Variants in LCA5 observed in about 807,000 individuals in gnomAD.
LCA5 encodes the protein lebercilin.
LCA5 carries 37 observed loss-of-function variants against 53.0 expected under a neutral mutation model. The ratio of observed to expected loss-of-function variants is 0.70; its 90% CI spans 0.54 to 0.92. The LOEUF is 0.92. Among genes scored for constraint, LCA5 ranks in the 40% least tolerant of loss-of-function variants. The pLI is 0.00. For synonymous variants in LCA5, 303 were observed against 282.9 expected (o/e 1.07, Z -0.71); for missense variants, 806 against 790.5 (o/e 1.02, Z -0.23).
At chr6:79,520,596 G>A (rs568351340) in intron 1 of LCA5, among the ~76,000 whole-genome samples, 6 of 152,172 alleles carry the variant, frequency 3.9e-5, no homozygotes, top group South Asian at 2.1e-4. Context: ...TAAAAGTATC[G>A]TTCTTCTAGT....
chr6:79,494,192 G>A (rs908108562), intron 3 of LCA5, among the ~76,000 whole-genome samples: 11 of 151,734 alleles, frequency 7.2e-5, no homozygotes, highest in Admixed American at 2.6e-4. Flanking sequence ...GGAAGTTTGC[G>A]CCAGTGAAAT....
At chr6:79,512,468 A>C (rs1766254359) in intron 3 of LCA5, among the ~76,000 whole-genome samples, 1 of 152,174 alleles carries the variant, frequency 6.6e-6, no homozygotes, top group Non-Finnish European at 1.5e-5. Context: ...ACATCTGATT[A>C]ATATACTGCA....
Position 79,487,254 on chromosome 6 carries a change from C to A in LCA5, c.1844G>T (p.Ser615Ile). Reference protein sequence around the residue: ...MEQLFGASGSSTISSKSSDPN... With the variant: ...MEQLFGASGSITISSKSSDPN... ...GTCACTGCTTTTGGAGGAAATGGTGCTGCTACCACTGGCACCAAATAACTG... is the reference window on the plus strand; with the variant it reads ...GTCACTGCTTTTGGAGGAAATGGTGATGCTACCACTGGCACCAAATAACTG... The change falls in exon 8 of 8, where the codon AGC (serine) becomes ATC (isoleucine). Residue 615 changes from serine (S) to isoleucine (I), a missense_variant. Ser to Ile is a moderately radical substitution (Grantham distance 142). Coordinates refer to ENST00000369846, the MANE Select transcript of LCA5 (RefSeq NM_001122769.3). 6.2e-7 allele frequency: 1 copy of A among 1,614,070 alleles called. No homozygotes were observed.
chr6:79,495,773 G>A lies in LCA5; in HGVS notation c.721-2023C>T, dbSNP rs560492555. Among the ~76,000 whole-genome samples, 9 of 148,874 alleles carry A rather than the reference G, an allele frequency of 6.0e-5. No homozygotes were observed. In the East Asian group the frequency reaches 1.4e-3, roughly 23 times the overall value. ...CTCAAAAAAAAAAAAAAAAAAAGTC[G>A]GTCCTCCGCATCCAAAGGTTTCACA... is the stretch of plus-strand genomic sequence containing the variant. On this transcript the variant is annotated intron_variant, in intron 3 of 7. Coordinates refer to ENST00000369846, the MANE Select transcript of LCA5 (RefSeq NM_001122769.3).
intron 1 of LCA5, among the ~76,000 whole-genome samples, chr6:79,533,233 A>C (rs1231539675): frequency 1.3e-5 from 2 of 152,138 alleles, no homozygotes; most frequent in Non-Finnish European, 2.9e-5. Flanking sequence ...TTTTTCTTAA[A>C]AGGAAAAAAG....
intron 2 of LCA5, among the ~76,000 whole-genome samples, chr6:79,517,685 T>C (rs1007053647): frequency 2.0e-5 from 3 of 152,332 alleles, no homozygotes; most frequent in South Asian, 2.1e-4. Context: ...TGGGGATCCA[T>C]GAAAGGGTTT....
At position 79,487,034 on chromosome 6, in the gene LCA5, T is replaced by C. The variant is rs757053133; in HGVS notation, c.2064A>G (p.Glu688=). The C allele has an allele frequency of 6.2e-7, 1 of 1,613,682 alleles. No homozygotes were observed. Among genetic ancestry groups the C allele is most frequent in the South Asian group, 1.1e-5 (1 of 91,070 alleles). ...TCAGTGCTACTTCTTCAATTTCATC[T>C]TCTACAGAATCAGCTGCTTTTACTG... ...KPAVKAADSV[E]DEIEEVALR Residue 688 remains glutamate, a synonymous_variant, in exon 8 of 8, where the codon GAA becomes GAG. Coordinates refer to ENST00000369846, the MANE Select transcript of LCA5 (RefSeq NM_001122769.3).
In LCA5 at chr6:79,489,184, T is replaced by TC. The variant is rs1562094472; in HGVS notation, c.1130dup (p.Glu378ArgfsTer19). The stretch of plus-strand genomic sequence containing the variant: ...TAATTGGGTTTAGAATCCCTGCTTC[T>TC]CCATGCCTGTCTTGCTTTTGAGATT... On this transcript the variant is annotated frameshift_variant, in exon 7 of 8. Transcript: ENST00000369846. LOFTEE classifies it high-confidence loss of function. The TC allele has an allele frequency of 6.2e-7, 1 of 1,612,504 alleles. No individual in the cohort carries two copies. Among genetic ancestry groups the TC allele is most frequent in the Admixed American group, 1.7e-5 (1 of 59,906 alleles).
At chr6:79,500,031 A>C (rs1237354114) in intron 3 of LCA5, among the ~76,000 whole-genome samples, 3 of 151,582 alleles carry the variant, frequency 2.0e-5, no homozygotes, top group African/African-American at 7.3e-5. Context: ...TGAACTCATC[A>C]TTTTTTATGG....
chr6:79,486,370 T>G lies in LCA5; in HGVS notation c.*634A>C, dbSNP rs577878179. The G allele has an allele frequency of 5.9e-5, 9 of 152,378 alleles. No homozygotes were observed. The South Asian group carries it at 1.9e-3, about 32-fold the overall frequency. 9.4% of individuals were successfully genotyped at this position (152,378 alleles called of 1,614,324 possible). A position where few individuals can be genotyped will look rare whatever the true frequency, so the allele number is the denominator to read the frequency against. On this transcript the variant is annotated 3_prime_UTR_variant, in exon 8 of 8. Transcript: ENST00000369846. ...GTCTTCCGAACTCAACATAATATTCTAACAGAATTGTAGGTAAGTGATTTC... is the reference window on the plus strand; with the variant it reads ...GTCTTCCGAACTCAACATAATATTCGAACAGAATTGTAGGTAAGTGATTTC...
chr6:79,489,073 CTTTTT>C lies in LCA5; in HGVS notation c.1231+6_1231+10del. On this transcript the variant is annotated splice_donor_region_variant and intron_variant, in intron 7 of 7. Transcript: ENST00000369846. ...GACTTGTCACATGCTTAAACAAACT[CTTTTT>C]CTTACCATCCTCCAGCTTTTCAACC... 6.2e-7 allele frequency: 1 copy of C among 1,612,712 alleles called. No homozygotes were observed. The highest frequency in any genetic ancestry group is 1.1e-5 in the South Asian group (1 of 91,072).
intron 3 of LCA5, among the ~76,000 whole-genome samples, chr6:79,503,018 T>C (rs915634238): frequency 6.6e-6 from 1 of 152,076 alleles, no homozygotes; most frequent in Non-Finnish European, 1.5e-5. Flanking sequence ...GAAACTGGGA[T>C]TACAAGGTGT....
chr6:79,506,661 CTA>C (rs1327776750), intron 3 of LCA5, among the ~76,000 whole-genome samples: 1 of 152,032 alleles, frequency 6.6e-6, no homozygotes, highest in Non-Finnish European at 1.5e-5. Context: ...AAAGAACTGC[CTA>C]TGTTAAGTCA....
intron 1 of LCA5, among the ~76,000 whole-genome samples, chr6:79,527,497 C>T (rs139337622): frequency 6.6e-6 from 1 of 152,162 alleles, no homozygotes; most frequent in African/African-American, 2.4e-5. Context: ...TTTGAAAAAT[C>T]AGAGACAGCT....
At chr6:79,488,407 T>C (rs1178684272) in intron 7 of LCA5, 1 of 153,872 alleles carries the variant, frequency 6.5e-6, no homozygotes, top group Non-Finnish European at 1.4e-5. Context: ...TCTCTCTCTA[T>C]ATATATATGT....
At chr6:79,504,913 G>A (rs911597345) in intron 3 of LCA5, among the ~76,000 whole-genome samples, 1 of 152,086 alleles carries the variant, frequency 6.6e-6, no homozygotes, top group South Asian at 2.1e-4. Context: ...TGAACAATGT[G>A]TATGGTACAC....
rs1770360657 is a variant in LCA5, at chr6:79,509,684, A to T, written c.720+3528T>A. 2.0e-5 allele frequency among the ~76,000 whole-genome samples: 3 copies of T among 152,260 alleles called. No homozygotes were observed. In the South Asian group the frequency reaches 6.2e-4, roughly 32 times the overall value. On this transcript the variant is annotated intron_variant, in intron 3 of 7. Coordinates refer to ENST00000369846, the MANE Select transcript of LCA5 (RefSeq NM_001122769.3). ...TTGTGAAAATAACTTTTACAACAAA[A>T]ATAAGCTTTGACATTCAAAAATAAA...
At chr6:79,530,206 G>T (rs1464713200) in intron 1 of LCA5, among the ~76,000 whole-genome samples, 1 of 152,056 alleles carries the variant, frequency 6.6e-6, no homozygotes. Flanking sequence ...ATTTGAAATG[G>T]TTTGTGCTAA....
At chr6:79,516,756 C>T (rs1048503181) in intron 2 of LCA5, among the ~76,000 whole-genome samples, 13 of 151,568 alleles carry the variant, frequency 8.6e-5, no homozygotes, top group African/African-American at 2.9e-4. Flanking sequence ...TAAGTCACTC[C>T]CAAAAAGTGG....
Sources: gnomAD v4.1 joint callset for allele counts (sites outside exome capture counted in the v4.1 genomes callset) on GRCh38, gnomAD v4.1.1 for gene constraint, MANE v1.5 for transcripts, NCBI Gene and HGNC (gene_info 2026-07-23, HGNC 2026-07-21) for gene names.